COX16: variants seen among roughly 807,000 people sequenced by gnomAD.
COX16 encodes cytochrome c oxidase assembly protein COX16 homolog, mitochondrial.
In COX16, 12 loss-of-function variants were observed where a neutral mutation model predicts 15.4. That is an observed-to-expected ratio of 0.78 (90% CI 0.50 to 1.26). The LOEUF (loss-of-function observed/expected upper bound fraction) is 1.26. Ranked by LOEUF, COX16 falls within the 50% of genes most tolerant of loss-of-function variation. The probability of loss-of-function intolerance (pLI) is 0.00; values close to 1 mark genes in which losing one functional copy is unlikely to be tolerated. For missense variants in COX16, 124 were observed against 127.6 expected, an observed-to-expected ratio of 0.97 and a Z score of 0.14; for synonymous variants, 46 against 41.1, an observed-to-expected ratio of 1.12 and a Z score of -0.46.
At chr14:70,343,146 C>CT (rs754644245) in intron 1 of COX16, among the ~76,000 whole-genome samples, 12 of 152,176 alleles carry the variant, frequency 7.9e-5, no homozygotes, top group Non-Finnish European at 1.6e-4. Flanking sequence ...CCAGGGATGT[C>CT]TCTGTAATTC....
chr14:70,343,177 T>C (rs923144682), intron 1 of COX16, among the ~76,000 whole-genome samples: 1 of 152,234 alleles, frequency 6.6e-6, no homozygotes, highest in African/African-American at 2.4e-5. Flanking sequence ...CGATCTTCCT[T>C]AGTAAGTAAT....
At chr14:70,345,584 A>G (rs949849718) in intron 1 of COX16, among the ~76,000 whole-genome samples, 1 of 152,166 alleles carries the variant, frequency 6.6e-6, no homozygotes, top group Non-Finnish European at 1.5e-5. Context: ...GCCTGGCCAC[A>G]GTACAAATTA....
At position 70,326,340 on chromosome 14, in the gene COX16, G is replaced by C. The variant is rs747667853; in HGVS notation, c.314C>G (p.Thr105Arg). Reference protein sequence around the residue: ...GRNPESLKTKTT With the variant: ...GRNPESLKTKRT Reference sequence around the variant, plus strand: ...AAAAAAGAATCAGCAGAGTCAAGTTGTCTTAGTCTTAAGGCTTTCTGGATT... The same window carrying C: ...AAAAAAGAATCAGCAGAGTCAAGTTCTCTTAGTCTTAAGGCTTTCTGGATT... The change falls in exon 4 of 4, where the codon ACA becomes AGA. Residue 105 changes from threonine to arginine, a missense_variant. Coordinates refer to ENST00000389912, the MANE Select transcript of COX16 (RefSeq NM_016468.7). The C allele has an allele frequency of 4.0e-6, 6 of 1,514,156 alleles. No homozygotes were observed. The highest frequency in any genetic ancestry group is 5.3e-6 in the Non-Finnish European group (6 of 1,132,252). 93.8% of individuals were successfully genotyped at this position (1,514,156 alleles called of 1,614,324 possible). A position where few individuals can be genotyped will look rare whatever the true frequency, so the allele number is the denominator to read the frequency against.
At chr14:70,336,760 A>C (rs1886468917) in intron 2 of COX16, among the ~76,000 whole-genome samples, 1 of 152,216 alleles carries the variant, frequency 6.6e-6, no homozygotes, top group African/African-American at 2.4e-5. Flanking sequence ...ACCAGCATAC[A>C]TTAAAATCAA....
intron 2 of COX16, among the ~76,000 whole-genome samples, chr14:70,336,908 C>G (rs969759847): frequency 6.6e-6 from 1 of 152,196 alleles, no homozygotes; most frequent in East Asian, 1.9e-4. Context: ...ACAAAATAAT[C>G]AACCAAAAAA....
At chr14:70,341,922 C>T (rs9323537) in intron 2 of COX16, among the ~76,000 whole-genome samples, 2 of 152,122 alleles carry the variant, frequency 1.3e-5, no homozygotes, top group Non-Finnish European at 2.9e-5. Context: ...ATAAATGTAG[C>T]TGTCTTTATT....
chr14:70,342,869 A>T, intron 1 of COX16, 140 bp from the exon 2 acceptor site: 2 of 860,312 alleles, frequency 2.3e-6, no homozygotes, highest in Non-Finnish European at 3.5e-6. Flanking sequence ...GTGAGTCACC[A>T]TTCATCTTTT....
chr14:70,343,019 A>G (rs1886668640), intron 1 of COX16, among the ~76,000 whole-genome samples: 1 of 152,216 alleles, frequency 6.6e-6, no homozygotes, highest in African/African-American at 2.4e-5. Flanking sequence ...GACTCTTACA[A>G]TAGACCTATT....
chr14:70,328,256 G>C (rs1325458159), intron 3 of COX16: 2 of 35,060 alleles, frequency 5.7e-5, no homozygotes, highest in African/African-American at 1.5e-4. Flanking sequence ...GCCAAGGAAA[G>C]ATAGCTAGCC....
chr14:70,359,264 A>G (rs1028111146), intron 1 of COX16: 2 of 595,178 alleles, frequency 3.4e-6, no homozygotes, highest in African/African-American at 3.7e-5. Context: ...ACGATGGGAA[A>G]GACGCCACGC....
chr14:70,330,518 GAAAATA>G (rs1230398326), intron 2 of COX16, among the ~76,000 whole-genome samples: 10 of 152,010 alleles, frequency 6.6e-5, no homozygotes, highest in African/African-American at 9.7e-5. Flanking sequence ...AATTTCACAA[GAAAATA>G]AAAATAACAG....
intron 3 of COX16, 139 bp downstream of exon 3, chr14:70,329,035 A>G: frequency 1.6e-6 from 1 of 613,846 alleles, no homozygotes; most frequent in Non-Finnish European, 2.3e-6. Flanking sequence ...CCATCTTTTT[A>G]TTTGCTTTTC....
chr14:70,352,229 T>C (rs560031778), intron 1 of COX16, among the ~76,000 whole-genome samples: 4 of 152,214 alleles, frequency 2.6e-5, no homozygotes, highest in Non-Finnish European at 5.9e-5. Context: ...CTCTGTTGCC[T>C]GGGCTAGAGT....
intron 2 of COX16, among the ~76,000 whole-genome samples, chr14:70,336,217 C>T (rs1886450473): frequency 6.6e-6 from 1 of 152,174 alleles, no homozygotes. Flanking sequence ...GATTGCACCA[C>T]TGAACTCCAG....
chr14:70,335,090 C>T (rs1323501145), intron 2 of COX16, among the ~76,000 whole-genome samples: 1 of 151,954 alleles, frequency 6.6e-6, no homozygotes. Context: ...AAGTCAAAAA[C>T]TAAAAAGAGA....
In COX16 at chr14:70,342,721, A is replaced by G; in HGVS notation, c.78T>C (p.Ile26=). Residue 26 remains isoleucine, a synonymous_variant, in exon 2 of 4, where the codon ATT becomes ATC. Transcript: ENST00000389912. The part of the protein sequence containing the change: ...LGYGVPMLLL[I]VGGSFGLREF... ...CACGAAGACCAAAAGAACCTCCAAC[A>G]ATCAGCAACTAAAACAAAGAAAGGA... 2.5e-6 allele frequency: 4 copies of G among 1,612,868 alleles called. No homozygotes were observed. The South Asian group carries it at 3.3e-5, about 13-fold the overall frequency.
chr14:70,357,600 T>A (rs937117399), intron 1 of COX16, among the ~76,000 whole-genome samples: 3 of 152,202 alleles, frequency 2.0e-5, no homozygotes, highest in Non-Finnish European at 2.9e-5. Context: ...TGAACAGACA[T>A]TTCTCCAAAA....
chr14:70,336,951 A>C (rs1455811388), intron 2 of COX16, among the ~76,000 whole-genome samples: 1 of 152,208 alleles, frequency 6.6e-6, no homozygotes, highest in Non-Finnish European at 1.5e-5. Context: ...AGTTTAAGAG[A>C]TAAAGACCCA....
At chr14:70,358,621 C>A (rs920831188) in intron 1 of COX16, among the ~76,000 whole-genome samples, 1 of 152,032 alleles carries the variant, frequency 6.6e-6, no homozygotes, top group Non-Finnish European at 1.5e-5. Flanking sequence ...TTCCTTTAGT[C>A]TGCTTAAATG....
Sources: allele counts gnomAD v4.1 joint callset (sites outside exome capture counted in the v4.1 genomes callset), GRCh38; gene constraint gnomAD v4.1.1; transcripts MANE v1.5; gene names NCBI Gene and HGNC (gene_info 2026-07-23, HGNC 2026-07-21).